Variants in SWAP70 observed in about 807,000 individuals in gnomAD.
SWAP70 encodes switch-associated protein 70.
Under a neutral mutation model 80.2 loss-of-function variants are expected in SWAP70, and 34 were observed. The observed-to-expected ratio is 0.42, with a 90% CI of 0.32 to 0.56. The LOEUF is 0.56. Ranked by LOEUF, SWAP70 falls within the 20% of genes least tolerant of loss-of-function variation. SWAP70 has a pLI of 0.09. For synonymous variants in SWAP70, 239 were observed against 238.5 expected (o/e 1.00, Z -0.02); for missense variants, 578 against 690.7 (o/e 0.84, Z 1.83).
chr11:9,671,762 A>ATATTTC (rs1850408740), intron 1 of SWAP70, among the ~76,000 whole-genome samples: 2 of 8,364 alleles, frequency 2.4e-4, no homozygotes, highest in African/African-American at 7.9e-4. Flanking sequence ...ATATATAAAT[A>ATATTTC]TATAATATAA....
intron 1 of SWAP70, among the ~76,000 whole-genome samples, chr11:9,671,506 A>T (rs1167752376): frequency 2.2e-5 from 2 of 90,054 alleles, no homozygotes; most frequent in Admixed American, 1.9e-4. Flanking sequence ...ATATAAATAT[A>T]TATAAATATA....
chr11:9,744,509 C>T (rs1851485650), intron 9 of SWAP70, among the ~76,000 whole-genome samples: 1 of 152,194 alleles, frequency 6.6e-6, no homozygotes, highest in Non-Finnish European at 1.5e-5. Flanking sequence ...TGACTATAGT[C>T]ACCCTTTCTG....
chr11:9,680,155 C>T (rs976176271), intron 1 of SWAP70, among the ~76,000 whole-genome samples: 3 of 152,140 alleles, frequency 2.0e-5, no homozygotes, highest in African/African-American at 7.2e-5. Flanking sequence ...AAACATGCAG[C>T]CTTGTCCCTT....
At chr11:9,728,749 A>AT (rs1851257765) in intron 5 of SWAP70, among the ~76,000 whole-genome samples, 1 of 152,196 alleles carries the variant, frequency 6.6e-6, no homozygotes, top group Admixed American at 6.5e-5. Context: ...GTTGAAGAAC[A>AT]TTTAAATACC....
chr11:9,749,209 A>C (rs765799875), intron 11 of SWAP70, 26 bp downstream of exon 11: 2 of 1,234,244 alleles, frequency 1.6e-6, no homozygotes, highest in Non-Finnish European at 2.2e-6. Context: ...AAGTAATCAT[A>C]TATTTATTTT....
At chr11:9,713,392 C>G in intron 2 of SWAP70, 74 bp from the exon 3 acceptor site, 1 of 1,431,538 alleles carries the variant, frequency 7.0e-7, no homozygotes, top group Non-Finnish European at 9.3e-7. Context: ...GAGGCTTTGT[C>G]TTTCTATTTT....
At position 9,740,186 on chromosome 11, in the gene SWAP70, A is replaced by G. The variant is rs567793877; in HGVS notation, c.1194A>G (p.Arg398=). ...STELEREKLI[R]QQMEEQVAQK... ...AGACCCTTTTATACCAACAGATCAG[A>G]CAGCAGATGGAAGAACAGGTTGCTC... Residue 398 remains arginine (R), a synonymous_variant, in exon 9 of 12, where the codon AGA becomes AGG. Transcript: ENST00000318950. The G allele has an allele frequency of 3.1e-6, 5 of 1,613,900 alleles. No homozygotes were observed. In the African/African-American group the frequency reaches 5.3e-5, roughly 17 times the overall value.
At chr11:9,667,329 G>A (rs891571955) in intron 1 of SWAP70, among the ~76,000 whole-genome samples, 11 of 152,098 alleles carry the variant, frequency 7.2e-5, no homozygotes, top group Admixed American at 7.2e-4. Context: ...TTGGCTCACT[G>A]CAACCTCCAC....
intron 1 of SWAP70, among the ~76,000 whole-genome samples, chr11:9,683,629 G>A (rs1850595403): frequency 6.6e-6 from 1 of 152,074 alleles, no homozygotes; most frequent in African/African-American, 2.4e-5. Flanking sequence ...GTGGGAGAGA[G>A]GAAATGAAAT....
At chr11:9,685,106 A>C (rs1049863665) in intron 1 of SWAP70, among the ~76,000 whole-genome samples, 1 of 151,446 alleles carries the variant, frequency 6.6e-6, no homozygotes, top group East Asian at 1.9e-4. Context: ...GTTGTCCATT[A>C]GGGTGACTTT....
At chr11:9,717,475 A>T (rs1851080803) in intron 3 of SWAP70, among the ~76,000 whole-genome samples, 1 of 152,088 alleles carries the variant, frequency 6.6e-6, no homozygotes, top group Non-Finnish European at 1.5e-5. Flanking sequence ...GTCTACAAAA[A>T]AATACAAAAA....
intron 2 of SWAP70, among the ~76,000 whole-genome samples, chr11:9,708,128 C>T (rs12272167): frequency 0.1 from 15,523 of 152,110 alleles, 1,532 homozygotes; most frequent in African/African-American, 0.25. Context: ...TCATTAAGGT[C>T]CTGTTTGCAG....
chr11:9,702,376 G>GT (rs35485500), intron 2 of SWAP70, among the ~76,000 whole-genome samples: 15,471 of 150,814 alleles, frequency 0.1, 1,541 homozygotes, highest in African/African-American at 0.25. Context: ...TTCGTTCATT[G>GT]TTTTTTGAAA....
At chr11:9,700,146 A>G (rs898141158) in intron 2 of SWAP70, among the ~76,000 whole-genome samples, 3 of 152,088 alleles carry the variant, frequency 2.0e-5, no homozygotes. Context: ...TTGTTTTAGT[A>G]TTTCAAGTTT....
At position 9,664,266 on chromosome 11, in the gene SWAP70, G is replaced by A; in HGVS notation, c.87G>A (p.Lys29=). 1.9e-6 allele frequency: 3 copies of A among 1,581,030 alleles called. No homozygotes were observed. Among genetic ancestry groups the A allele is most frequent in the Non-Finnish European group, 1.7e-6 (2 of 1,164,440 alleles). ...AGGACCACAGCGGCAAGGTCTCCAA[G>A]TCCCAGCTCAAGGTGGGCGCCTCCT... The part of the protein sequence containing the change: ...LDQDHSGKVS[K]SQLKVLSHNL... Residue 29 remains lysine (K), a synonymous_variant, in exon 1 of 12, where the codon AAG becomes AAA. Transcript: ENST00000318950.
At chr11:9,720,595 A>AGC in intron 3 of SWAP70, 1 of 532,466 alleles carries the variant, frequency 1.9e-6, no homozygotes, top group Non-Finnish European at 2.4e-6. Flanking sequence ...ATGTGGCTAT[A>AGC]CACATGTGCT....
At chr11:9,711,901 T>A (rs1278361467) in intron 2 of SWAP70, among the ~76,000 whole-genome samples, 1 of 152,194 alleles carries the variant, frequency 6.6e-6, no homozygotes, top group African/African-American at 2.4e-5. Flanking sequence ...TATACCACCC[T>A]CCAGCACCAG....
chr11:9,691,317 G>A (rs1850695222), intron 1 of SWAP70, among the ~76,000 whole-genome samples: 1 of 152,188 alleles, frequency 6.6e-6, no homozygotes, highest in Non-Finnish European at 1.5e-5. Context: ...TATGAAATGA[G>A]TTTGGGTTGA....
At position 9,752,898 on chromosome 11, in the gene SWAP70, T is replaced by C. The variant is rs1312315398; in HGVS notation, c.*2928T>C. 6.6e-6 allele frequency: 1 copy of C among 152,220 alleles called. No homozygotes were observed. The highest frequency in any genetic ancestry group is 1.5e-5 in the Non-Finnish European group (1 of 68,036). The allele number at this position is 152,220 out of a possible 1,614,324, so 9.4% of individuals were successfully genotyped here. A position where few individuals can be genotyped will look rare whatever the true frequency, so the allele number is the denominator to read the frequency against. On this transcript the variant is annotated 3_prime_UTR_variant, in exon 12 of 12. Coordinates refer to ENST00000318950, the MANE Select transcript of SWAP70 (RefSeq NM_015055.4). ...TCTAAGATACATTAAAAATGTTTTA[T>C]ATTTTTTTTTAAGTAAAATGGACCC... is the stretch of plus-strand genomic sequence containing the variant.
Sources: gnomAD v4.1 joint callset for allele counts (sites outside exome capture counted in the v4.1 genomes callset) on GRCh38, gnomAD v4.1.1 for gene constraint, MANE v1.5 for transcripts, NCBI Gene and HGNC (gene_info 2026-07-23, HGNC 2026-07-21) for gene names.